The following SIPA1L3 variants were observed in gnomAD, a reference collection of about 807,000 sequenced individuals.
SIPA1L3 encodes signal-induced proliferation-associated 1-like protein 3.
A neutral mutation model predicts 150.1 loss-of-function variants in SIPA1L3; 59 were observed. The ratio of observed to expected loss-of-function variants is 0.39; its 90% CI spans 0.32 to 0.49. The LOEUF (loss-of-function observed/expected upper bound fraction) is 0.49. SIPA1L3 is among the 20% of genes least tolerant of loss of function. SIPA1L3 has a pLI of 0.86. For missense variants in SIPA1L3, 2,211 were observed against 2,489.5 expected (o/e 0.89, Z 2.38); for synonymous variants, 1,070 against 1,077.6 (o/e 0.99, Z 0.14).
intron 2 of SIPA1L3, among the ~76,000 whole-genome samples, chr19:38,052,062 A>C (rs1969206765): frequency 6.6e-6 from 1 of 152,164 alleles, no homozygotes; most frequent in Admixed American, 6.5e-5. Context: ...AATCTCGAAC[A>C]TTGTATCATT....
intron 2 of SIPA1L3, among the ~76,000 whole-genome samples, chr19:38,043,005 T>G (rs1968960998): frequency 6.6e-6 from 1 of 152,196 alleles, no homozygotes; most frequent in Non-Finnish European, 1.5e-5. Flanking sequence ...GAGATAATGC[T>G]GCCTACATCA....
chr19:38,046,296 C>G lies in SIPA1L3; in HGVS notation c.-311+17140C>G, dbSNP rs1473009596. Among the ~76,000 whole-genome samples the G allele has an allele frequency of 6.6e-6, 1 of 152,198 alleles. No individual in the cohort carries two copies. The highest frequency in any genetic ancestry group is 1.5e-5 in the Non-Finnish European group (1 of 68,032). On this transcript the variant is annotated intron_variant, in intron 2 of 21. Coordinates refer to ENST00000222345, the MANE Select transcript of SIPA1L3 (RefSeq NM_015073.3). The surrounding 1 kb of genome is among the most constrained non-coding windows in gnomAD (Gnocchi z 5.6). ...CCTCCAGGCCTCTCAAAAGGGACCC[C>G]CACCTGCTGCCCGCAAAGATGGCCT...
At chr19:38,057,334 A>G (rs1268126589) in intron 2 of SIPA1L3, among the ~76,000 whole-genome samples, 1 of 150,802 alleles carries the variant, frequency 6.6e-6, no homozygotes, top group African/African-American at 2.4e-5. Context: ...ACACACACAC[A>G]CACACGTATA....
intron 9 of SIPA1L3, among the ~76,000 whole-genome samples, chr19:38,126,541 C>CTTTTTTTTTTTTTTTTT (rs577099002): frequency 6.8e-6 from 1 of 146,870 alleles, no homozygotes. Flanking sequence ...CAAGACAATT[C>CTTTTTTTTTTTTTTTTT]TTTTTTTTTT....
intron 15 of SIPA1L3, among the ~76,000 whole-genome samples, chr19:38,171,463 G>A (rs1037903836): frequency 5.7e-5 from 8 of 140,906 alleles, no homozygotes; most frequent in Admixed American, 1.6e-4. Context: ...CACAGTCTCA[G>A]CTCACTGCAA....
At chr19:38,177,317 C>T (rs1026499001) in intron 15 of SIPA1L3, among the ~76,000 whole-genome samples, 16 of 148,666 alleles carry the variant, frequency 1.1e-4, no homozygotes, top group South Asian at 4.3e-4. Flanking sequence ...GCTGAGACTG[C>T]GCCACTGCAC....
rs1474986786 is a variant in SIPA1L3 at position 38,101,235 on chromosome 19, G to A, written c.2029+9G>A. 1 of 1,523,686 alleles carries A rather than the reference G, an allele frequency of 6.6e-7. No individual in the cohort carries two copies. The highest frequency in any genetic ancestry group is 2.4e-5 in the East Asian group (1 of 41,836). 94.4% of individuals were successfully genotyped at this position (1,523,686 alleles called of 1,614,324 possible). A position where few individuals can be genotyped will look rare whatever the true frequency, so the allele number is the denominator to read the frequency against. ...CCAGCTGGACGTCAAGAGTAAGTAG[G>A]GGGCCGGTTAGATCACAGTGAGCCA... On this transcript the variant is annotated intron_variant, in intron 6 of 21. Coordinates refer to ENST00000222345, the MANE Select transcript of SIPA1L3 (RefSeq NM_015073.3).
Position 38,046,108 on chromosome 19 carries a change from A to C in SIPA1L3, c.-311+16952A>C, listed in dbSNP as rs1194712990. On this transcript the variant is annotated intron_variant, in intron 2 of 21. Coordinates refer to ENST00000222345, the MANE Select transcript of SIPA1L3 (RefSeq NM_015073.3). This position sits in a 1 kb window ranked among gnomAD's most constrained non-coding sequence, Gnocchi z 5.6. ...TGATTCCTTGAAGCTTTTTGCCGTC[A>C]TCTGGCCACTCAGTCGGCGGGGTTG... Among the ~76,000 whole-genome samples, 1 of 152,134 alleles carries C rather than the reference A, an allele frequency of 6.6e-6. No individual in the cohort carries two copies. The highest frequency in any genetic ancestry group is 1.5e-5 in the Non-Finnish European group (1 of 68,028).
rs547474931 is a variant in SIPA1L3 at position 38,092,695 on chromosome 19, G to C, written c.1665+3844G>C. Among the ~76,000 whole-genome samples, 4 of 152,256 alleles carry C rather than the reference G, an allele frequency of 2.6e-5. No homozygotes were observed. The East Asian group carries it at 5.8e-4, about 22-fold the overall frequency. ...CTCTATGCTGGGCATGGAGGGTACC[G>C]TAGCAAACAAGGCAGCAAAGATGCT... On this transcript the variant is annotated intron_variant, in intron 4 of 21. Coordinates refer to ENST00000222345, the MANE Select transcript of SIPA1L3 (RefSeq NM_015073.3).
At chr19:38,087,133 G>A (rs1970151173) in intron 3 of SIPA1L3, among the ~76,000 whole-genome samples, 1 of 152,166 alleles carries the variant, frequency 6.6e-6, no homozygotes, top group Non-Finnish European at 1.5e-5. Context: ...AGATTCCAAA[G>A]CCTGACTAAA....
At position 38,088,794 on chromosome 19, in the gene SIPA1L3, A is replaced by T. The variant is rs1375426751; in HGVS notation, c.1608A>T (p.Glu536Asp). 6.2e-7 allele frequency: 1 copy of T among 1,614,116 alleles called. No individual in the cohort carries two copies. Among genetic ancestry groups the T allele is most frequent in the East Asian group, 2.2e-5 (1 of 44,876 alleles). The change falls in exon 4 of 22, where the codon GAA (glutamate) becomes GAT (aspartate). Residue 536 changes from glutamate to aspartate, a missense_variant. Physicochemically the swap from Glu to Asp is conservative, Grantham distance 45 (BLOSUM62 2). Transcript: ENST00000222345. ...VAVSIKREKL[E>D]DHKEHGPQYQ... ...TGAGCATTAAGCGGGAGAAGCTGGA[A>T]GACCACAAGGAGCACGGACCTCAGT...
chr19:37,925,333 A>C (rs2046493726), intron 1 of SIPA1L3, among the ~76,000 whole-genome samples: 2 of 152,112 alleles, frequency 1.3e-5, no homozygotes, highest in Non-Finnish European at 2.9e-5. Context: ...AATTTTGGGA[A>C]GGGTGGCCAG....
intron 1 of SIPA1L3, among the ~76,000 whole-genome samples, chr19:38,023,343 C>A (rs34846275): frequency 0.058 from 8,887 of 152,192 alleles, 327 homozygotes; most frequent in East Asian, 0.11. Flanking sequence ...CGCATCAATC[C>A]GCAAAAGAAC....
intron 1 of SIPA1L3, among the ~76,000 whole-genome samples, chr19:38,025,718 T>G (rs1276891586): frequency 6.6e-6 from 1 of 152,174 alleles, no homozygotes; most frequent in Admixed American, 6.5e-5. Context: ...TTGCAGGGGT[T>G]TTCTGATCAT....
intron 12 of SIPA1L3, among the ~76,000 whole-genome samples, chr19:38,146,507 T>G (rs1971706236): frequency 6.6e-6 from 1 of 152,240 alleles, no homozygotes; most frequent in South Asian, 2.1e-4. Context: ...TAAATATTCA[T>G]GCGGTGAACA....
At chr19:37,995,526 G>A (rs1967617533) in intron 1 of SIPA1L3, among the ~76,000 whole-genome samples, 1 of 152,268 alleles carries the variant, frequency 6.6e-6, no homozygotes, top group African/African-American at 2.4e-5. Flanking sequence ...GCAAGTGCGG[G>A]GGAACACAGG....
chr19:38,050,774 G>A (rs1969177801), intron 2 of SIPA1L3, among the ~76,000 whole-genome samples: 1 of 152,008 alleles, frequency 6.6e-6, no homozygotes, highest in Admixed American at 6.6e-5. Context: ...AGTATGATGT[G>A]TGCGCTGGGC....
At chr19:38,167,236 A>AAAAAAAAAAAG (rs1184289478) in intron 15 of SIPA1L3, among the ~76,000 whole-genome samples, 1 of 151,634 alleles carries the variant, frequency 6.6e-6, no homozygotes, top group Non-Finnish European at 1.5e-5. Flanking sequence ...CATCTCAAAA[A>AAAAAAAAAAAG]AAAAAAAAAA....
At position 38,141,439 on chromosome 19, in the gene SIPA1L3, A is replaced by G; in HGVS notation, c.3395+4A>G. The stretch of plus-strand genomic sequence containing the variant: ...CCCAGCCACTGCACAGCAAGAGGTA[A>G]GCACCTGCTGGGGGGACCAATACTT... On this transcript the variant is annotated splice_donor_region_variant and intron_variant, in intron 11 of 21. Transcript: ENST00000222345. 1 of 1,605,586 alleles carries G rather than the reference A, an allele frequency of 6.2e-7. No individual in the cohort carries two copies. Among genetic ancestry groups the G allele is most frequent in the Non-Finnish European group, 8.5e-7 (1 of 1,179,394 alleles).
Sources: allele counts gnomAD v4.1 joint callset (sites outside exome capture counted in the v4.1 genomes callset), GRCh38; gene constraint gnomAD v4.1.1; non-coding constraint Gnocchi (gnomAD v3.1); transcripts MANE v1.5; gene names NCBI Gene and HGNC (gene_info 2026-07-23, HGNC 2026-07-21).